Variants in DLG2 observed in about 807,000 individuals in gnomAD.
DLG2 encodes the protein discs large MAGUK scaffold protein 2, also known as disks large homolog 2.
In DLG2, 45 loss-of-function variants were observed where a neutral mutation model predicts 132.5. The observed-to-expected ratio is 0.34, with a 90% CI of 0.27 to 0.44. The LOEUF (loss-of-function observed/expected upper bound fraction) is 0.44, where lower values mean the gene tolerates loss of function less well. Among genes scored for constraint, DLG2 ranks in the 20% least tolerant of loss-of-function variants. The probability of loss-of-function intolerance (pLI) is 1.00; values close to 1 mark genes in which losing one functional copy is unlikely to be tolerated. For missense variants in DLG2, 1,045 were observed against 1,196.9 expected (o/e 0.87, Z 1.87); for synonymous variants, 424 against 419.6 (o/e 1.01, Z -0.13).
intron 7 of DLG2, among the ~76,000 whole-genome samples, chr11:84,499,169 C>A (rs2099194581): frequency 6.6e-6 from 1 of 152,202 alleles, no homozygotes; most frequent in African/African-American, 2.4e-5. Flanking sequence ...AATTCCAGCT[C>A]TGAGACACTA....
intron 18 of DLG2, among the ~76,000 whole-genome samples, chr11:83,706,790 G>C (rs1035263310): frequency 6.6e-6 from 1 of 152,216 alleles, no homozygotes; most frequent in Admixed American, 6.5e-5. Context: ...AGAAAGCAGA[G>C]AGAGGCGTGG....
intron 9 of DLG2, among the ~76,000 whole-genome samples, chr11:84,137,338 A>C (rs1456681568): frequency 1.3e-5 from 2 of 152,092 alleles, no homozygotes; most frequent in African/African-American, 4.8e-5. Flanking sequence ...ATTAAAGAGA[A>C]AAAAATAGCC....
chr11:83,579,441 C>T (rs984041878), intron 19 of DLG2, among the ~76,000 whole-genome samples: 5 of 152,124 alleles, frequency 3.3e-5, no homozygotes, highest in Middle Eastern at 3.2e-3. Context: ...TAATGGATAT[C>T]GCCACATTCC....
chr11:84,930,656 C>T (rs118188129), intron 6 of DLG2, among the ~76,000 whole-genome samples: 10,152 of 152,072 alleles, frequency 0.067, 577 homozygotes, highest in Non-Finnish European at 0.091. Context: ...CAACTTTTAC[C>T]GCAAAATAAA....
At chr11:85,258,245 A>G (rs1164256447) in intron 4 of DLG2, among the ~76,000 whole-genome samples, 1 of 152,206 alleles carries the variant, frequency 6.6e-6, no homozygotes, top group East Asian at 1.9e-4. Flanking sequence ...TGGCTTATTC[A>G]ATATAGTCCT....
chr11:84,072,608 C>T (rs1162820797), intron 10 of DLG2, among the ~76,000 whole-genome samples: 2 of 152,262 alleles, frequency 1.3e-5, no homozygotes, highest in African/African-American at 4.8e-5. Flanking sequence ...GTGTTTCAGG[C>T]ACAGTTTAGT....
At chr11:84,508,404 T>TTC (rs2099248024) in intron 7 of DLG2, among the ~76,000 whole-genome samples, 1 of 151,664 alleles carries the variant, frequency 6.6e-6, no homozygotes, top group African/African-American at 2.4e-5. Context: ...CTTTACCTTT[T>TTC]TTTTTTTTTT....
rs1422774245 is a variant in DLG2, at chr11:84,387,807, A to G, written c.520-136516T>C. Among the ~76,000 whole-genome samples the G allele has an allele frequency of 2.0e-5, 3 of 152,196 alleles. 1 individual carries two copies. The highest frequency in any genetic ancestry group is 4.1e-4 in the South Asian group (2 of 4,830). ...GACCACGGGATATGGATTACCTGAA[A>G]GTAAATAAAGCTACAAAAACAGTTC... On this transcript the variant is annotated intron_variant, in intron 7 of 27. Coordinates refer to ENST00000376104, the MANE Select transcript of DLG2 (RefSeq NM_001142699.3).
intron 6 of DLG2, among the ~76,000 whole-genome samples, chr11:84,840,420 AAG>A (rs1361697317): frequency 6.6e-6 from 1 of 152,194 alleles, no homozygotes; most frequent in Admixed American, 6.5e-5. Flanking sequence ...ACCATTGTGG[AAG>A]ACAGTGTGAC....
intron 4 of DLG2, among the ~76,000 whole-genome samples, chr11:85,163,398 A>C (rs1423623167): frequency 6.6e-6 from 1 of 152,186 alleles, no homozygotes; most frequent in Admixed American, 6.5e-5. Context: ...GGCCAGAGAA[A>C]TATAAAAATA....
intron 6 of DLG2, among the ~76,000 whole-genome samples, chr11:85,087,547 C>A (rs562358285): frequency 5.7e-4 from 87 of 152,284 alleles, no homozygotes; most frequent in Admixed American, 3.6e-3. Context: ...CATGCAAAAA[C>A]CAGATCATGG....
intron 17 of DLG2, among the ~76,000 whole-genome samples, chr11:83,805,589 C>A (rs1276336061): frequency 6.6e-6 from 1 of 152,060 alleles, no homozygotes; most frequent in Non-Finnish European, 1.5e-5. Flanking sequence ...CTCCCTCTCC[C>A]TTTTGTCTAC....
intron 6 of DLG2, among the ~76,000 whole-genome samples, chr11:84,784,380 T>C (rs975808045): frequency 1.4e-5 from 2 of 140,996 alleles, no homozygotes; most frequent in Non-Finnish European, 3.1e-5. Context: ...TAAACAAGAG[T>C]ATAGAACATA....
intron 6 of DLG2, among the ~76,000 whole-genome samples, chr11:84,714,946 C>T (rs1415022547): frequency 1.3e-5 from 2 of 151,882 alleles, no homozygotes; most frequent in Non-Finnish European, 2.9e-5. Context: ...TCCATTTTAA[C>T]CTTCCACTTA....
intron 17 of DLG2, among the ~76,000 whole-genome samples, chr11:83,833,078 A>T (rs191024760): frequency 1.8e-4 from 27 of 152,320 alleles, no homozygotes; most frequent in African/African-American, 5.3e-4. Flanking sequence ...AGAAAACATT[A>T]GCACCTTCGC....
At chr11:84,909,892 G>A (rs7127374) in intron 6 of DLG2, among the ~76,000 whole-genome samples, 84,899 of 152,068 alleles carry the variant, frequency 0.56, 24,118 homozygotes, top group South Asian at 0.63. Flanking sequence ...CCAAATCCCT[G>A]CATCCTGCCT....
intron 16 of DLG2, among the ~76,000 whole-genome samples, chr11:83,863,923 T>C (rs1296914363): frequency 6.6e-6 from 1 of 152,172 alleles, no homozygotes; most frequent in Non-Finnish European, 1.5e-5. Context: ...TCACACATTT[T>C]ATTATCAGGC....
chr11:85,057,779 C>T (rs1216266732), intron 6 of DLG2, among the ~76,000 whole-genome samples: 1 of 151,192 alleles, frequency 6.6e-6, no homozygotes, highest in Admixed American at 6.6e-5. Context: ...AAAAGAATAA[C>T]ACCACATAAT....
At chr11:84,070,311 A>C (rs777217098) in intron 10 of DLG2, among the ~76,000 whole-genome samples, 1 of 152,068 alleles carries the variant, frequency 6.6e-6, no homozygotes, top group Non-Finnish European at 1.5e-5. Context: ...TGTCTCTCAA[A>C]CGTTCAACCA....
Sources: gnomAD v4.1 joint callset for allele counts (sites outside exome capture counted in the v4.1 genomes callset) on GRCh38, gnomAD v4.1.1 for gene constraint, MANE v1.5 for transcripts, NCBI Gene and HGNC (gene_info 2026-07-23, HGNC 2026-07-21) for gene names.